TRERF1: variants seen among roughly 807,000 people sequenced by gnomAD.
TRERF1 encodes the protein transcriptional regulating factor 1, also known as transcriptional-regulating factor 1.
TRERF1 carries 27 observed loss-of-function variants against 122.9 expected under a neutral mutation model. The observed-to-expected ratio is 0.22, with a 90% confidence interval of 0.16 to 0.30. The LOEUF is 0.30. Ranked by LOEUF, TRERF1 falls within the 10% of genes least tolerant of loss-of-function variation. The pLI is 1.00. For missense variants in TRERF1, 1,248 were observed against 1,560.3 expected, an observed-to-expected ratio of 0.80 and a Z score of 3.37; for synonymous variants, 636 against 641.7, an observed-to-expected ratio of 0.99 and a Z score of 0.13.
At chr6:42,392,931 TACACACACACACACAC>T (rs58784390) in intron 2 of TRERF1, among the ~76,000 whole-genome samples, 1 of 148,002 alleles carries the variant, frequency 6.8e-6, no homozygotes, top group Non-Finnish European at 1.5e-5. Flanking sequence ...TACACACACA[TACACACACACACACAC>T]ACACACACAC....
In TRERF1 at chr6:42,320,506, A is replaced by ATTT. The variant is rs397977723; in HGVS notation, c.-370-19760_-370-19758dup. Among the ~76,000 whole-genome samples the ATTT allele has an allele frequency of 2.8e-3, 382 of 136,776 alleles. 6 individuals are homozygous for ATTT. Among genetic ancestry groups the ATTT allele is most frequent in the African/African-American group, 0.01 (358 of 34,786 alleles). 89.7% of individuals were successfully genotyped at this position (136,776 alleles called of 152,430 possible). Reference sequence around the variant, plus strand: ...TCACTACCAAAACAAAAGTGAAAGAATTTTTTTTTTTTTTTTTGAGACTGA... The same window carrying ATTT: ...TCACTACCAAAACAAAAGTGAAAGAATTTTTTTTTTTTTTTTTTTTGAGACTGA... On this transcript the variant is annotated intron_variant, in intron 3 of 17. Coordinates refer to ENST00000372922, the Ensembl canonical transcript of TRERF1.
chr6:42,238,834 T>TACACACACAC (rs1561800049), intron 15 of TRERF1, among the ~76,000 whole-genome samples: 6 of 69,568 alleles, frequency 8.6e-5, no homozygotes, highest in East Asian at 7.5e-4. Context: ...AATCATGCAT[T>TACACACACAC]TCACACACAC....
chr6:42,378,793 A>T (rs1179452524), intron 2 of TRERF1, among the ~76,000 whole-genome samples: 1 of 152,068 alleles, frequency 6.6e-6, no homozygotes, highest in Admixed American at 6.5e-5. Flanking sequence ...TCCCCTCCCA[A>T]CCTCCCAATT....
At chr6:42,242,675 G>A (rs186282620) in intron 15 of TRERF1, among the ~76,000 whole-genome samples, 45 of 152,274 alleles carry the variant, frequency 3.0e-4, no homozygotes, top group African/African-American at 1.0e-3. Context: ...AGTTGACTGT[G>A]GACTGTCTGC....
chr6:42,235,786 G>A (rs576815341), intron 16 of TRERF1, among the ~76,000 whole-genome samples: 1 of 152,288 alleles, frequency 6.6e-6, no homozygotes, highest in African/African-American at 2.4e-5. Flanking sequence ...AGGAGGTAGG[G>A]CAAGTAATTA....
At chr6:42,419,045 C>T (rs1184717194) in intron 2 of TRERF1, among the ~76,000 whole-genome samples, 2 of 152,172 alleles carry the variant, frequency 1.3e-5, no homozygotes, top group African/African-American at 2.4e-5. Flanking sequence ...CGTTACAACC[C>T]GGGTCAAGGG....
intron 3 of TRERF1, among the ~76,000 whole-genome samples, chr6:42,314,506 T>C (rs1762170499): frequency 6.6e-6 from 1 of 152,248 alleles, no homozygotes; most frequent in African/African-American, 2.4e-5. Flanking sequence ...GGCATTGTTC[T>C]CCGTGACTGG....
At chr6:42,254,353 A>C (rs1373535872) in intron 13 of TRERF1, among the ~76,000 whole-genome samples, 1 of 152,216 alleles carries the variant, frequency 6.6e-6, no homozygotes, top group Non-Finnish European at 1.5e-5. Context: ...TGTTGGATAC[A>C]TGAGTAATAA....
chr6:42,373,260 C>T (rs560157198), intron 2 of TRERF1, among the ~76,000 whole-genome samples: 3 of 152,244 alleles, frequency 2.0e-5, no homozygotes, highest in Non-Finnish European at 4.4e-5. Context: ...AGGCTGGGTG[C>T]GGTGGCTCAC....
intron 2 of TRERF1, among the ~76,000 whole-genome samples, chr6:42,435,369 A>G (rs1448877621): frequency 1.3e-5 from 2 of 152,046 alleles, no homozygotes; most frequent in Admixed American, 6.6e-5. Flanking sequence ...ATGTATACAG[A>G]GCCGAGTGCA....
intron 7 of TRERF1, among the ~76,000 whole-genome samples, 185 bp downstream of exon 7, chr6:42,264,519 A>C (rs1247052639): frequency 1.3e-5 from 2 of 152,212 alleles, no homozygotes; most frequent in African/African-American, 2.4e-5. Flanking sequence ...GCTCATCATA[A>C]AGCTGGGGAA....
intron 3 of TRERF1, among the ~76,000 whole-genome samples, chr6:42,316,543 G>GA (rs1192492685): frequency 2.0e-5 from 3 of 152,192 alleles, no homozygotes; most frequent in African/African-American, 7.2e-5. Context: ...ACAGTGACAG[G>GA]AGTCTAGCAT....
chr6:42,228,420 C>T lies in TRERF1; in HGVS notation c.3528G>A (p.Glu1176=), dbSNP rs879076501. The change falls in exon 18 of 18, where the codon GAG becomes GAA. Residue 1176 remains glutamate, a synonymous_variant. Coordinates refer to ENST00000372922, the Ensembl canonical transcript of TRERF1. This position sits in a 1 kb window ranked among gnomAD's most constrained non-coding sequence, Gnocchi z 4.2. ...GAAGATCGGTGTCCACAACTTCAGC[C>T]TCTTCCATGACACCTCCCAACTGCT... The T allele has an allele frequency of 2.5e-6, 4 of 1,614,222 alleles. No homozygotes were observed. The highest frequency in any genetic ancestry group is 1.7e-5 in the Admixed American group (1 of 60,028).
Position 42,259,700 on chromosome 6 carries a change from C to G in TRERF1, c.1908G>C (p.Pro636=). The change falls in exon 9 of 18, where the codon CCG becomes CCC. Residue 636 remains proline, a synonymous_variant. Transcript: ENST00000372922. This position sits in a 1 kb window ranked among gnomAD's most constrained non-coding sequence, Gnocchi z 4.9. ...GGGGCTCCTCGGCTTTGGGCACACT[C>G]GGCTGATGCTTCCTGGGGATTTCCT... 1 of 1,604,244 alleles carries G rather than the reference C, an allele frequency of 6.2e-7. No homozygotes were observed. The highest frequency in any genetic ancestry group is 8.5e-7 in the Non-Finnish European group (1 of 1,179,962).
At chr6:42,245,971 G>A (rs2149620218) in intron 14 of TRERF1, among the ~76,000 whole-genome samples, 1 of 152,332 alleles carries the variant, frequency 6.6e-6, no homozygotes, top group African/African-American at 2.4e-5. Flanking sequence ...AGCCGGGCGT[G>A]GTGGTGCATG....
chr6:42,306,184 T>A (rs944220730), intron 3 of TRERF1, among the ~76,000 whole-genome samples: 1 of 151,898 alleles, frequency 6.6e-6, no homozygotes, highest in Non-Finnish European at 1.5e-5. Flanking sequence ...GTATTTTTAA[T>A]AGAATGGAGG....
chr6:42,334,663 C>T (rs187781596), intron 3 of TRERF1, among the ~76,000 whole-genome samples: 3 of 152,186 alleles, frequency 2.0e-5, no homozygotes. Context: ...TGGCATGGCT[C>T]TGCTTATGGC....
intron 2 of TRERF1, among the ~76,000 whole-genome samples, chr6:42,450,728 T>C (rs997610393): frequency 2.0e-5 from 3 of 152,078 alleles, no homozygotes; most frequent in South Asian, 2.1e-4. Flanking sequence ...AGGAACAGGT[T>C]TACCCCCTTA....
intron 3 of TRERF1, among the ~76,000 whole-genome samples, chr6:42,310,081 A>T (rs995824304): frequency 2.7e-5 from 4 of 150,194 alleles, no homozygotes; most frequent in African/African-American, 9.8e-5. Context: ...AACTTAACTC[A>T]GCTTTTCAGT....
Sources: gnomAD v4.1 joint callset for allele counts (sites outside exome capture counted in the v4.1 genomes callset) on GRCh38, gnomAD v4.1.1 for gene constraint, Gnocchi (gnomAD v3.1) non-coding constraint, MANE v1.5 for transcripts, NCBI Gene and HGNC (gene_info 2026-07-23, HGNC 2026-07-21) for gene names.